NFASC: variants seen among roughly 807,000 people sequenced by gnomAD.
NFASC encodes neurofascin homolog.
NFASC carries 43 observed loss-of-function variants against 147.5 expected under a neutral mutation model. The ratio of observed to expected loss-of-function variants is 0.29; its 90% CI spans 0.23 to 0.38. NFASC has a LOEUF of 0.38. Ranked by LOEUF, NFASC falls within the 10% of genes least tolerant of loss-of-function variation. NFASC has a pLI of 1.00. For missense variants in NFASC, 1,320 were observed against 1,689.0 expected, an observed-to-expected ratio of 0.78 and a Z score of 3.83; for synonymous variants, 622 against 665.5, an observed-to-expected ratio of 0.93 and a Z score of 1.01.
At chr1:204,864,040 C>A (rs992781325) in intron 1 of NFASC, among the ~76,000 whole-genome samples, 1 of 152,172 alleles carries the variant, frequency 6.6e-6, no homozygotes, top group Non-Finnish European at 1.5e-5. Flanking sequence ...CTACTCCTCC[C>A]AGCCTTTGGT....
rs753976926 is a variant in NFASC, at chr1:204,979,021, G to A, written c.1930G>A (p.Val644Met). 2.6e-6 allele frequency: 4 copies of A among 1,565,192 alleles called. No homozygotes were observed. Among genetic ancestry groups the A allele is most frequent in the Non-Finnish European group, 3.5e-6 (4 of 1,153,964 alleles). Residue 644 changes from valine (V) to methionine (M), a missense_variant, in exon 18 of 30, where the codon GTG (valine) becomes ATG (methionine). Val to Met is a conservative substitution (Grantham distance 21). This residue lies in a region of NFASC where 981 missense variants were observed against 1,289.5 expected (regional missense o/e 0.76). Coordinates refer to ENST00000339876, the MANE Select transcript of NFASC (RefSeq NM_001005388.3). This position sits in a 1 kb window ranked among gnomAD's most constrained non-coding sequence, Gnocchi z 6.0. Reference sequence around the variant, plus strand: ...GCTGACCGACCTGGCCGAGAGGAGCGTGCGGCTGACCTGGATCCCCGGGGA... The same window carrying A: ...GCTGACCGACCTGGCCGAGAGGAGCATGCGGCTGACCTGGATCCCCGGGGA... ...LELTDLAERS[V>M]RLTWIPGDAN... is the part of the protein sequence containing the mutation.
rs138791321 is a variant in NFASC at position 204,989,107 on chromosome 1, G to A, written c.2767+301G>A. On this transcript the variant is annotated intron_variant, in intron 23 of 29. Transcript: ENST00000339876. ...TAGAGGAATAAGGAAGAGAGCATGA[G>A]TTGAGAAATGAGAGAAATCATAATG... is the stretch of plus-strand genomic sequence containing the variant. The A allele has an allele frequency of 1.2e-3, 496 of 420,006 alleles. 2 individuals carry two copies. The highest frequency in any genetic ancestry group is 9.4e-3 in the African/African-American group (469 of 50,038). The allele number at this position is 420,006 out of a possible 1,614,324, so 26.0% of individuals were successfully genotyped here.
At chr1:204,893,084 G>A (rs2082713307) in intron 1 of NFASC, among the ~76,000 whole-genome samples, 1 of 152,222 alleles carries the variant, frequency 6.6e-6, no homozygotes, top group African/African-American at 2.4e-5. Context: ...AGAGTAAATA[G>A]ATACTCTGGA....
chr1:204,893,034 T>C (rs12733866), intron 1 of NFASC, among the ~76,000 whole-genome samples: 277 of 152,332 alleles, frequency 1.8e-3, no homozygotes, highest in Non-Finnish European at 3.3e-3. Flanking sequence ...CCCATGAGAC[T>C]TGAACTAAAG....
At chr1:204,997,443 G>A (rs1349833025) in intron 25 of NFASC, 37 bp downstream of exon 25, 6 of 1,551,234 alleles carry the variant, frequency 3.9e-6, no homozygotes, top group African/African-American at 1.4e-5. Context: ...TCCCCTCCTG[G>A]CCCGCCTCCC....
chr1:204,922,215 C>G (rs1558109855), intron 2 of NFASC, among the ~76,000 whole-genome samples: 1 of 152,182 alleles, frequency 6.6e-6, no homozygotes, highest in Non-Finnish European at 1.5e-5. Flanking sequence ...CCTTCCCACT[C>G]TCTATCCCTG....
intron 11 of NFASC, among the ~76,000 whole-genome samples, chr1:204,971,915 T>C (rs12065274): frequency 0.057 from 8,735 of 152,230 alleles, 674 homozygotes; most frequent in African/African-American, 0.18. Context: ...ATAAAGCAGC[T>C]CAGGACTTGC....
intron 2 of NFASC, among the ~76,000 whole-genome samples, chr1:204,927,004 G>A (rs1321184674): frequency 6.6e-6 from 1 of 152,132 alleles, no homozygotes; most frequent in Non-Finnish European, 1.5e-5. Flanking sequence ...GAACCCTGGA[G>A]GCAGAGGTTG....
chr1:204,956,574 C>T (rs930136730), intron 7 of NFASC, among the ~76,000 whole-genome samples: 2 of 152,206 alleles, frequency 1.3e-5, no homozygotes, highest in Non-Finnish European at 2.9e-5. Context: ...CTGCTCGCCA[C>T]GCTGCATTGC....
chr1:204,840,657 CT>C (rs1675078003), intron 1 of NFASC, among the ~76,000 whole-genome samples: 1 of 152,216 alleles, frequency 6.6e-6, no homozygotes, highest in Non-Finnish European at 1.5e-5. Flanking sequence ...GCCACCACTC[CT>C]GTAGATCCAC....
intron 1 of NFASC, among the ~76,000 whole-genome samples, chr1:204,829,458 T>C (rs1283115483): frequency 6.6e-6 from 1 of 152,050 alleles, no homozygotes; most frequent in African/African-American, 2.4e-5. Context: ...CCATACAGCC[T>C]GTACCCAGCC....
At chr1:204,862,322 A>G (rs1387367743) in intron 1 of NFASC, among the ~76,000 whole-genome samples, 4 of 152,252 alleles carry the variant, frequency 2.6e-5, no homozygotes, top group East Asian at 1.9e-4. Context: ...AGCAGTTCCA[A>G]AAGAAAAGCT....
chr1:204,992,539 A>G (rs1169546762), intron 24 of NFASC, among the ~76,000 whole-genome samples: 1 of 151,976 alleles, frequency 6.6e-6, no homozygotes, highest in East Asian at 1.9e-4. Flanking sequence ...GTGCCTCCCC[A>G]CAAGGTCTGA....
At chr1:204,933,301 G>A (rs565839704) in intron 2 of NFASC, among the ~76,000 whole-genome samples, 1 of 152,334 alleles carries the variant, frequency 6.6e-6, no homozygotes, top group East Asian at 1.9e-4. Context: ...AGAATGCGGG[G>A]GAGATGGAGA....
At chr1:204,990,005 A>G (rs1463266684) in intron 23 of NFASC, 2 of 152,310 alleles carry the variant, frequency 1.3e-5, no homozygotes, top group Non-Finnish European at 2.9e-5. Flanking sequence ...CTCTGGGGCT[A>G]CCAGGCCCGC....
intron 2 of NFASC, among the ~76,000 whole-genome samples, chr1:204,926,135 A>G (rs1249547549): frequency 6.6e-6 from 1 of 151,806 alleles, no homozygotes; most frequent in Non-Finnish European, 1.5e-5. Context: ...AATGTATTAA[A>G]ATTACAAATC....
chr1:204,946,461 C>A, intron 3 of NFASC: 2 of 421,228 alleles, frequency 4.7e-6, no homozygotes, highest in Middle Eastern at 3.4e-4. Flanking sequence ...GGGCAGGAGA[C>A]CCAGGCTGCC....
chr1:204,858,815 A>T (rs987308323), intron 1 of NFASC, among the ~76,000 whole-genome samples: 3 of 152,052 alleles, frequency 2.0e-5, no homozygotes, highest in Non-Finnish European at 4.4e-5. Flanking sequence ...CCGGGGTCGT[A>T]ACCCTGACTC....
intron 7 of NFASC, among the ~76,000 whole-genome samples, chr1:204,957,084 C>A (rs540559933): frequency 2.0e-5 from 3 of 152,318 alleles, no homozygotes; most frequent in Admixed American, 2.0e-4. Flanking sequence ...GTAGTGCTTT[C>A]TTCTTAGGAA....
Sources: gnomAD v4.1 joint callset for allele counts (sites outside exome capture counted in the v4.1 genomes callset) on GRCh38, gnomAD v4.1.1 for gene constraint, gnomAD v4.1.1 regional missense constraint, Gnocchi (gnomAD v3.1) non-coding constraint, MANE v1.5 for transcripts, NCBI Gene and HGNC (gene_info 2026-07-23, HGNC 2026-07-21) for gene names.